DIAPH3: variants seen among roughly 807,000 people sequenced by gnomAD.
DIAPH3 encodes diaphanous related formin 3.
A neutral mutation model predicts 144.3 loss-of-function variants in DIAPH3; 117 were observed. The ratio of observed to expected loss-of-function variants is 0.81; its 90% CI spans 0.70 to 0.95. DIAPH3 has a LOEUF of 0.95. Ranked by LOEUF, DIAPH3 falls within the 40% of genes least tolerant of loss-of-function variation. The pLI is 0.00. For missense variants in DIAPH3, 1,421 were observed against 1,412.7 expected (o/e 1.01, Z -0.09); for synonymous variants, 519 against 488.9 (o/e 1.06, Z -0.81).
intron 27 of DIAPH3, among the ~76,000 whole-genome samples, chr13:59,693,760 C>G (rs1384249809): frequency 2.0e-5 from 3 of 152,006 alleles, no homozygotes; most frequent in Admixed American, 2.0e-4. Flanking sequence ...TTCTTACTTG[C>G]AGAATAAACT....
chr13:59,794,370 A>G (rs11148479), intron 25 of DIAPH3, among the ~76,000 whole-genome samples: 1 of 152,316 alleles, frequency 6.6e-6, no homozygotes, highest in East Asian at 1.9e-4. Context: ...AAACACTATG[A>G]GTCCTTTTTA....
At chr13:59,717,665 T>C (rs1405380464) in intron 27 of DIAPH3, among the ~76,000 whole-genome samples, 3 of 152,192 alleles carry the variant, frequency 2.0e-5, no homozygotes, top group East Asian at 3.8e-4. Context: ...TTCAGTTATC[T>C]ATGCAAAATA....
intron 27 of DIAPH3, among the ~76,000 whole-genome samples, chr13:59,690,203 T>G (rs1395547958): frequency 6.6e-6 from 1 of 152,160 alleles, no homozygotes; most frequent in Non-Finnish European, 1.5e-5. Flanking sequence ...TGTGAGCACT[T>G]TATGCCATGA....
chr13:60,077,533 A>AT, intron 4 of DIAPH3, among the ~76,000 whole-genome samples: 1 of 152,236 alleles, frequency 6.6e-6, no homozygotes, highest in South Asian at 2.1e-4. Flanking sequence ...AAACAAATTT[A>AT]TTTTAGTTGC....
intron 17 of DIAPH3, among the ~76,000 whole-genome samples, chr13:59,940,254 G>C (rs1486531202): frequency 6.6e-6 from 1 of 152,044 alleles, no homozygotes; most frequent in Admixed American, 6.6e-5. Flanking sequence ...AATTATGTTT[G>C]GCCACCTGAC....
At chr13:59,704,406 T>C (rs2034297717) in intron 27 of DIAPH3, among the ~76,000 whole-genome samples, 1 of 152,228 alleles carries the variant, frequency 6.6e-6, no homozygotes, top group Non-Finnish European at 1.5e-5. Flanking sequence ...TGGATGATCT[T>C]TGTTTCCTCT....
intron 20 of DIAPH3, among the ~76,000 whole-genome samples, chr13:59,880,250 C>T (rs67207933): frequency 0.058 from 8,757 of 152,204 alleles, 302 homozygotes; most frequent in Admixed American, 0.1. Context: ...AGGAAATAAT[C>T]ACTTAGCTGT....
At chr13:60,040,226 CAAAAAAAAA>C (rs5803983) in intron 5 of DIAPH3, among the ~76,000 whole-genome samples, 2 of 34,838 alleles carry the variant, frequency 5.7e-5, no homozygotes, top group African/African-American at 1.4e-4. Context: ...GACTCCATCT[CAAAAAAAAA>C]AAAAAAAAAA....
At chr13:60,078,363 G>T (rs865777683) in intron 4 of DIAPH3, among the ~76,000 whole-genome samples, 30 of 152,116 alleles carry the variant, frequency 2.0e-4, no homozygotes, top group African/African-American at 7.2e-4. Context: ...GTATAAGAAG[G>T]GCGGAACTAG....
Position 59,797,010 on chromosome 13 carries a change from G to A in DIAPH3, c.3163+13778C>T, listed in dbSNP as rs184579527. Among the ~76,000 whole-genome samples the A allele has an allele frequency of 9.9e-4, 150 of 152,202 alleles. 1 individual carries two copies. The highest frequency in any genetic ancestry group is 3.2e-3 in the African/African-American group (134 of 41,522). On this transcript the variant is annotated intron_variant, in intron 25 of 27. Coordinates refer to ENST00000400324, the MANE Select transcript of DIAPH3 (RefSeq NM_001042517.2). ...GCCTGCTATTACTTAGCTACTGGTG[G>A]AGCAGGGACTGGAATACTGATAACC...
At chr13:59,764,044 C>T (rs2037751226) in intron 27 of DIAPH3, among the ~76,000 whole-genome samples, 1 of 151,720 alleles carries the variant, frequency 6.6e-6, no homozygotes, top group Non-Finnish European at 1.5e-5. Context: ...AACTTTGCTT[C>T]TGTATGCTAA....
chr13:59,785,739 G>T (rs1393254921), intron 25 of DIAPH3, among the ~76,000 whole-genome samples: 1 of 151,848 alleles, frequency 6.6e-6, no homozygotes, highest in East Asian at 1.9e-4. Flanking sequence ...TCTCTCTGTG[G>T]CTCCCCTGCA....
In DIAPH3 at chr13:59,927,013, C is replaced by T. The variant is rs192403653; in HGVS notation, c.2075-2143G>A. On this transcript the variant is annotated intron_variant, in intron 17 of 27. Coordinates refer to ENST00000400324, the MANE Select transcript of DIAPH3 (RefSeq NM_001042517.2). ...AAAATCTGGGTGTTCTGGCGCTGGG[C>T]ATTCACACATTTAAAACTGTTATAT... Among the ~76,000 whole-genome samples, 10 of 152,232 alleles carry T rather than the reference C, an allele frequency of 6.6e-5. No homozygotes were observed. The East Asian group carries it at 1.9e-3, about 29-fold the overall frequency.
intron 24 of DIAPH3, among the ~76,000 whole-genome samples, chr13:59,819,539 G>A (rs1593542508): frequency 1.3e-5 from 2 of 151,688 alleles, no homozygotes; most frequent in Admixed American, 6.6e-5. Context: ...TCTAAAAAAC[G>A]TTCATATAAT....
At chr13:60,105,123 A>AAAAAAAC in intron 3 of DIAPH3, among the ~76,000 whole-genome samples, 1 of 149,492 alleles carries the variant, frequency 6.7e-6, no homozygotes, top group Non-Finnish European at 1.5e-5. Flanking sequence ...AAAAAAAAAA[A>AAAAAAAC]AACTGCCAGT....
At chr13:59,720,860 C>G (rs1394146073) in intron 27 of DIAPH3, among the ~76,000 whole-genome samples, 3 of 152,084 alleles carry the variant, frequency 2.0e-5, no homozygotes, top group Non-Finnish European at 4.4e-5. Flanking sequence ...TTTTCCTCTG[C>G]AAGTATTCAC....
chr13:59,855,037 G>C (rs1389202554), intron 22 of DIAPH3, among the ~76,000 whole-genome samples: 1 of 152,136 alleles, frequency 6.6e-6, no homozygotes, highest in Admixed American at 6.6e-5. Context: ...GTTCTTTAAT[G>C]TCAATCTACA....
At chr13:60,025,826 TA>T (rs925151125) in intron 5 of DIAPH3, among the ~76,000 whole-genome samples, 1 of 150,874 alleles carries the variant, frequency 6.6e-6, no homozygotes, top group African/African-American at 2.4e-5. Context: ...GAGGACAATT[TA>T]AAAAAAAACT....
chr13:60,069,481 G>C (rs759384454), intron 4 of DIAPH3, among the ~76,000 whole-genome samples: 4 of 152,046 alleles, frequency 2.6e-5, no homozygotes, highest in Non-Finnish European at 5.9e-5. Flanking sequence ...TTTAGTTTAA[G>C]TAGGTCCCAA....
Sources: gnomAD v4.1 joint callset for allele counts (sites outside exome capture counted in the v4.1 genomes callset) on GRCh38, gnomAD v4.1.1 for gene constraint, MANE v1.5 for transcripts, NCBI Gene and HGNC (gene_info 2026-07-23, HGNC 2026-07-21) for gene names.